Variants in MTUS2 observed in about 807,000 individuals in gnomAD.
MTUS2 encodes the protein microtubule associated scaffold protein 2, also known as microtubule-associated tumor suppressor candidate 2.
Under a neutral mutation model 114.1 loss-of-function variants are expected in MTUS2, and 40 were observed. The observed-to-expected ratio is 0.35, with a 90% CI of 0.27 to 0.46. MTUS2 has a LOEUF of 0.46. MTUS2 is among the 20% of genes least tolerant of loss of function. The pLI, the probability that MTUS2 is intolerant of heterozygous loss-of-function variation, is 1.00. For synonymous variants in MTUS2, 688 were observed against 672.0 expected (o/e 1.02, Z -0.37); for missense variants, 1,679 against 1,705.4 (o/e 0.98, Z 0.27).
intron 5 of MTUS2, among the ~76,000 whole-genome samples, chr13:29,168,966 A>C (rs1893439724): frequency 6.7e-6 from 1 of 150,220 alleles, no homozygotes; most frequent in Non-Finnish European, 1.5e-5. Context: ...TGTACAGGTC[A>C]ACTCTGCCCT....
chr13:29,484,611 C>G (rs1881455313), intron 10 of MTUS2, among the ~76,000 whole-genome samples: 1 of 152,194 alleles, frequency 6.6e-6, no homozygotes, highest in South Asian at 2.1e-4. Flanking sequence ...AAGGAGGGCC[C>G]CCTCGTTATC....
intron 5 of MTUS2, among the ~76,000 whole-genome samples, chr13:29,159,037 A>G (rs1892986936): frequency 6.6e-6 from 1 of 152,228 alleles, no homozygotes; most frequent in African/African-American, 2.4e-5. Flanking sequence ...GTGCAATGGA[A>G]TACTGTGCTG....
At chr13:29,317,432 CTTT>C (rs552766235) in intron 6 of MTUS2, among the ~76,000 whole-genome samples, 1 of 51,664 alleles carries the variant, frequency 1.9e-5, no homozygotes, top group Non-Finnish European at 3.8e-5. Context: ...CTCTCTCTCT[CTTT>C]TTTTTTTTTT....
At chr13:29,071,441 T>G (rs1184111008) in intron 4 of MTUS2, among the ~76,000 whole-genome samples, 5 of 52,226 alleles carry the variant, frequency 9.6e-5, no homozygotes, top group African/African-American at 2.9e-4. Flanking sequence ...TTTTTTTTTT[T>G]TTGAGACAGA....
rs962565979 is a variant in MTUS2, at chr13:29,502,861, A to G, written c.3897-132A>G. The stretch of plus-strand genomic sequence containing the variant: ...CATGATTCAACCAAAGTTCTTGGTC[A>G]CTGGGTCACCCTGGTCCCTGTTCTC... On this transcript the variant is annotated intron_variant, in intron 15 of 15. Transcript: ENST00000612955. 3.6e-6 allele frequency: 3 copies of G among 841,674 alleles called. No individual in the cohort carries two copies. In the African/African-American group the frequency reaches 5.1e-5, roughly 14 times the overall value. 52.1% of individuals were successfully genotyped at this position (841,674 alleles called of 1,614,324 possible).
At position 28,836,065 on chromosome 13, in the gene MTUS2, G is replaced by T. The variant is rs1407230674; in HGVS notation, c.-315-3713G>T. 3.3e-5 allele frequency among the ~76,000 whole-genome samples: 5 copies of T among 152,040 alleles called. No individual in the cohort carries two copies. The East Asian group carries it at 9.6e-4, about 29-fold the overall frequency. On this transcript the variant is annotated intron_variant, in intron 1 of 15. Coordinates refer to ENST00000612955, the MANE Select transcript of MTUS2 (RefSeq NM_001033602.4). The stretch of plus-strand genomic sequence containing the variant: ...TTATAGGGTATATTTCTGTTCAATA[G>T]AAATATAATGTGAGCTGTATATGTA...
intron 2 of MTUS2, 141 bp from the exon 3 acceptor site, chr13:29,024,316 A>T (rs112051412): frequency 4.7e-6 from 1 of 212,672 alleles, no homozygotes; most frequent in East Asian, 7.8e-5. Flanking sequence ...AGGAGCCCTG[A>T]TCAGAAAGGT....
intron 8 of MTUS2, among the ~76,000 whole-genome samples, chr13:29,367,946 T>TG (rs1352478010): frequency 1.3e-5 from 2 of 150,498 alleles, no homozygotes; most frequent in Admixed American, 6.6e-5. Context: ...CTACTTCTTT[T>TG]TTTTTTTTTT....
rs149758962 is a variant in MTUS2, at chr13:28,896,246, A to G, written c.-243+56396A>G. On this transcript the variant is annotated intron_variant, in intron 2 of 15. Coordinates refer to ENST00000612955, the MANE Select transcript of MTUS2 (RefSeq NM_001033602.4). Reference sequence around the variant, plus strand: ...ATGTGCAAAAATCACAAGCATTCTTATACACCAATAACAGACAAACAGAGA... The same window carrying G: ...ATGTGCAAAAATCACAAGCATTCTTGTACACCAATAACAGACAAACAGAGA... Among the ~76,000 whole-genome samples, 473 of 152,304 alleles carry G rather than the reference A, an allele frequency of 3.1e-3. 2 individuals are homozygous for G. The highest frequency in any genetic ancestry group is 0.023 in the South Asian group (113 of 4,830).
intron 9 of MTUS2, among the ~76,000 whole-genome samples, chr13:29,447,190 T>A (rs770943345): frequency 4.6e-5 from 7 of 152,176 alleles, no homozygotes; most frequent in Non-Finnish European, 8.8e-5. Context: ...AACATGTGTT[T>A]CCTTGGAGAC....
At chr13:29,473,931 C>G (rs1355767768) in intron 9 of MTUS2, among the ~76,000 whole-genome samples, 1 of 152,192 alleles carries the variant, frequency 6.6e-6, no homozygotes, top group Admixed American at 6.5e-5. Context: ...ACATTAATCT[C>G]TGTCTGAAAA....
chr13:29,246,189 T>G (rs1896918758), intron 5 of MTUS2, among the ~76,000 whole-genome samples: 2 of 152,174 alleles, frequency 1.3e-5, no homozygotes, highest in African/African-American at 2.4e-5. Flanking sequence ...TGGGAATGAC[T>G]GGGGTTTTGG....
At chr13:28,912,169 C>G (rs2138017181) in intron 2 of MTUS2, among the ~76,000 whole-genome samples, 1 of 152,118 alleles carries the variant, frequency 6.6e-6, no homozygotes, top group South Asian at 2.1e-4. Context: ...TTCAACCCAT[C>G]TTGAGTTAAT....
intron 5 of MTUS2, among the ~76,000 whole-genome samples, chr13:29,193,042 A>C (rs755634248): frequency 6.6e-6 from 1 of 152,232 alleles, no homozygotes; most frequent in African/African-American, 2.4e-5. Flanking sequence ...AGACTGAGTC[A>C]ATATCATACA....
In MTUS2 at chr13:29,206,757, A is replaced by G. The variant is rs573916455; in HGVS notation, c.2645-74947A>G. On this transcript the variant is annotated intron_variant, in intron 5 of 15. Coordinates refer to ENST00000612955, the MANE Select transcript of MTUS2 (RefSeq NM_001033602.4). Reference sequence around the variant, plus strand: ...ATTTCTGGGTTCTCTATTCTGTTCCATTGGTCTGTGAACCTATTTTCATAT... The same window carrying G: ...ATTTCTGGGTTCTCTATTCTGTTCCGTTGGTCTGTGAACCTATTTTCATAT... Among the ~76,000 whole-genome samples the G allele has an allele frequency of 5.3e-5, 8 of 152,218 alleles. No homozygotes were observed. In the South Asian group the frequency reaches 1.7e-3, roughly 32 times the overall value.
chr13:29,273,520 G>C (rs1180924811), intron 5 of MTUS2, among the ~76,000 whole-genome samples: 2 of 152,010 alleles, frequency 1.3e-5, no homozygotes, highest in South Asian at 2.1e-4. Context: ...AGGGGATCTA[G>C]AGAAAAAAAT....
intron 5 of MTUS2, among the ~76,000 whole-genome samples, chr13:29,115,772 C>A (rs577531470): frequency 3.9e-5 from 6 of 152,132 alleles, no homozygotes; most frequent in Admixed American, 3.9e-4. Flanking sequence ...GCTGGGTGGC[C>A]GTAGGCAAGC....
intron 5 of MTUS2, among the ~76,000 whole-genome samples, chr13:29,211,334 G>C (rs1171516043): frequency 6.6e-6 from 1 of 152,300 alleles, no homozygotes; most frequent in African/African-American, 2.4e-5. Flanking sequence ...CCCCCCAACA[G>C]CACGAGAGGG....
Position 29,038,234 on chromosome 13 carries a change from C to T in MTUS2, c.2446+4109C>T, listed in dbSNP as rs564486864. 6.6e-5 allele frequency among the ~76,000 whole-genome samples: 10 copies of T among 152,244 alleles called. No homozygotes were observed. The East Asian group carries it at 1.4e-3, about 21-fold the overall frequency. On this transcript the variant is annotated intron_variant, in intron 4 of 15. Transcript: ENST00000612955. ...GTTGATGTTACTGCTTTTGCATGGG[C>T]GTCCTTTTTGTTGATGTTGATATTA...
Sources: allele counts gnomAD v4.1 joint callset (sites outside exome capture counted in the v4.1 genomes callset), GRCh38; gene constraint gnomAD v4.1.1; transcripts MANE v1.5; gene names NCBI Gene and HGNC (gene_info 2026-07-23, HGNC 2026-07-21).